The following PRPF8 variants were observed in gnomAD, a reference collection of about 807,000 sequenced individuals.
The protein encoded by PRPF8 is pre-mRNA processing factor 8, also known as pre-mRNA-processing-splicing factor 8.
Under a neutral mutation model 285.9 loss-of-function variants are expected in PRPF8, and 64 were observed. The ratio of observed to expected loss-of-function variants is 0.22; its 90% CI spans 0.18 to 0.28. The LOEUF (loss-of-function observed/expected upper bound fraction) is 0.28, where lower values mean the gene tolerates loss of function less well. PRPF8 is among the 10% of genes least tolerant of loss of function. The pLI is 1.00. For missense variants in PRPF8, 1,426 were observed against 3,026.7 expected, an observed-to-expected ratio of 0.47 and a Z score of 12.41; for synonymous variants, 1,325 against 1,118.2, an observed-to-expected ratio of 1.18 and a Z score of -3.69.
intron 2 of PRPF8, among the ~76,000 whole-genome samples, chr17:1,684,147 A>AC (rs1462563540): frequency 6.6e-6 from 1 of 152,056 alleles, no homozygotes; most frequent in East Asian, 1.9e-4. Flanking sequence ...TGGGCCTCCC[A>AC]AAGTGCTGGG....
chr17:1,677,102 C>G lies in PRPF8; in HGVS notation c.2055G>C (p.Leu685=), dbSNP rs376297942. 20 of 1,613,800 alleles carry G rather than the reference C, an allele frequency of 1.2e-5. No individual in the cohort carries two copies. Among genetic ancestry groups the G allele is most frequent in the African/African-American group, 5.3e-5 (4 of 74,822 alleles). ...GAATATCATGCATCACAGCTGCCCGCAGCTCAAGGTCAAAATGTGACTCCA... is the reference window on the plus strand; with the variant it reads ...GAATATCATGCATCACAGCTGCCCGGAGCTCAAGGTCAAAATGTGACTCCA... The part of the protein sequence containing the change: ...QRVESHFDLE[L]RAAVMHDILD... The change falls in exon 15 of 43, where the codon CTG becomes CTC. Residue 685 remains leucine (L), a synonymous_variant. Transcript: ENST00000304992.
chr17:1,679,585 C>T lies in PRPF8; in HGVS notation c.1289+24G>A. 6.2e-7 allele frequency: 1 copy of T among 1,612,462 alleles called. No homozygotes were observed. Among genetic ancestry groups the T allele is most frequent in the Non-Finnish European group, 8.5e-7 (1 of 1,179,774 alleles). ...TCTCCTACACATCCACTATCATTCC[C>T]CCTGCCACAGGGAAAAACCTTACCA... is the stretch of plus-strand genomic sequence containing the variant. On this transcript the variant is annotated intron_variant, in intron 9 of 42. Coordinates refer to ENST00000304992, the MANE Select transcript of PRPF8 (RefSeq NM_006445.4). This position sits in a 1 kb window ranked among gnomAD's most constrained non-coding sequence, Gnocchi z 4.7.
In PRPF8 at chr17:1,681,858, G is replaced by A; in HGVS notation, c.615C>T (p.Asp205=). The change falls in exon 5 of 43, where the codon GAC becomes GAT. Residue 205 remains aspartate, a synonymous_variant. Transcript: ENST00000304992. The stretch of plus-strand genomic sequence containing the variant: ...TCAACGGCTGGTGGTCATAGAACCA[G>A]TCCAACACAGGGGCGTCCTCCTCAG... The part of the protein sequence containing the change: ...LDPEEDAPVL[D]WFYDHQPLRD... 1.2e-6 allele frequency: 2 copies of A among 1,613,838 alleles called. No individual in the cohort carries two copies. The highest frequency in any genetic ancestry group is 2.2e-5 in the East Asian group (1 of 44,886).
chr17:1,660,089 G>C, intron 30 of PRPF8, 88 bp from the exon 31 acceptor site: 6 of 1,440,278 alleles, frequency 4.2e-6, no homozygotes, highest in Non-Finnish European at 5.8e-6. Context: ...GGCAATAGGA[G>C]TCTCATCCTC....
intron 24 of PRPF8, among the ~76,000 whole-genome samples, chr17:1,669,394 T>C (rs1283440000): frequency 3.3e-5 from 5 of 152,220 alleles, no homozygotes; most frequent in Admixed American, 6.5e-5. Context: ...CGTGAGCCAC[T>C]GTGTCCAGCC....
In PRPF8 at chr17:1,661,133, T is replaced by G. The variant is rs757767729; in HGVS notation, c.4368A>C (p.Thr1456=). The part of the protein sequence containing the change: ...QVLKQNPFWW[T]HQRHDGKLWN... ...AGAGCTTCCCATCATGCCGCTGGTG[T>G]GTCCACCAGAACGGATTCTGCTTCA... Residue 1456 remains threonine (T), a synonymous_variant, in exon 28 of 43, where the codon ACA becomes ACC. Coordinates refer to ENST00000304992, the MANE Select transcript of PRPF8 (RefSeq NM_006445.4). This position sits in a 1 kb window ranked among gnomAD's most constrained non-coding sequence, Gnocchi z 7.3. 1 of 1,614,202 alleles carries G rather than the reference T, an allele frequency of 6.2e-7. No homozygotes were observed.
At chr17:1,655,629 T>G (rs924012442) in intron 36 of PRPF8, 86 bp from the exon 37 acceptor site, 1 of 1,261,228 alleles carries the variant, frequency 7.9e-7, no homozygotes, top group Non-Finnish European at 1.1e-6. Flanking sequence ...ACCCAAGAAT[T>G]TTTTTTTTTT....
rs137934161 is a variant in PRPF8 at position 1,661,086 on chromosome 17, G to C, written c.4415C>G (p.Thr1472Arg). ...ACCGCCCAGGGCCTGGATCATGTCT[G>C]TACGGTAGTTGTTCAGGTTCCAGAG... is the stretch of plus-strand genomic sequence containing the variant. The part of the protein sequence containing the change: ...GKLWNLNNYR[T>R]DMIQALGGVE... The change falls in exon 28 of 43, where the codon ACA (threonine) becomes AGA (arginine). Residue 1472 changes from threonine to arginine, a missense_variant. This residue lies in a region of PRPF8 where 23 missense variants were observed against 43.6 expected (regional missense o/e 0.53). Transcript: ENST00000304992. The surrounding 1 kb of genome is among the most constrained non-coding windows in gnomAD (Gnocchi z 7.3). The C allele has an allele frequency of 1.2e-6, 2 of 1,614,090 alleles. No homozygotes were observed. The highest frequency in any genetic ancestry group is 1.7e-6 in the Non-Finnish European group (2 of 1,180,038).
intron 24 of PRPF8, among the ~76,000 whole-genome samples, chr17:1,669,263 C>T (rs1377233850): frequency 2.6e-5 from 4 of 152,272 alleles, no homozygotes; most frequent in South Asian, 2.1e-4. Flanking sequence ...CCCGCCACCG[C>T]GCCTGGCTAA....
intron 24 of PRPF8, among the ~76,000 whole-genome samples, chr17:1,663,606 G>A (rs944587381): frequency 6.6e-6 from 1 of 150,832 alleles, no homozygotes; most frequent in Non-Finnish European, 1.5e-5. Context: ...TTTCTTGGGA[G>A]GCTGAGGTAG....
In PRPF8 at chr17:1,654,302, A is replaced by G. The variant is rs1016461984; in HGVS notation, c.5988-286T>C. Reference sequence around the variant, plus strand: ...AATGCTCTGGCATGGAACTGTTCTCAGAAATGGAAACCCCAGAAACCCTAG... The same window carrying G: ...AATGCTCTGGCATGGAACTGTTCTCGGAAATGGAAACCCCAGAAACCCTAG... On this transcript the variant is annotated intron_variant, in intron 37 of 42. Coordinates refer to ENST00000304992, the MANE Select transcript of PRPF8 (RefSeq NM_006445.4). 3.5e-5 allele frequency: 20 copies of G among 570,434 alleles called. No homozygotes were observed. In the African/African-American group the frequency reaches 3.7e-4, roughly 11 times the overall value. The allele number at this position is 570,434 out of a possible 1,614,324, so 35.3% of individuals were successfully genotyped here.
Position 1,653,602 on chromosome 17 carries a change from G to A in PRPF8, c.6309C>T (p.Thr2103=), listed in dbSNP as rs1911196879. 1.2e-6 allele frequency: 2 copies of A among 1,614,092 alleles called. No individual in the cohort carries two copies. Among genetic ancestry groups the A allele is most frequent in the African/African-American group, 1.3e-5 (1 of 74,922 alleles). Reference sequence around the variant, plus strand: ...TAAGCACATTCTTGGGAAGGATGTAGGTGTAGCCAGTCTCCTTGATGTCGT... The same window carrying A: ...TAAGCACATTCTTGGGAAGGATGTAAGTGTAGCCAGTCTCCTTGATGTCGT... The part of the protein sequence containing the change: ...SSDDIKETGY[T]YILPKNVLKK... The change falls in exon 39 of 43, where the codon ACC becomes ACT. Residue 2103 remains threonine (T), a synonymous_variant. Coordinates refer to ENST00000304992, the MANE Select transcript of PRPF8 (RefSeq NM_006445.4). This position sits in a 1 kb window ranked among gnomAD's most constrained non-coding sequence, Gnocchi z 4.9.
At chr17:1,680,435 C>T (rs983336452) in intron 8 of PRPF8, 4 of 512,350 alleles carry the variant, frequency 7.8e-6, no homozygotes, top group African/African-American at 3.8e-5. Flanking sequence ...TTAACTACAT[C>T]TCAATATAAA....
chr17:1,681,951 C>T lies in PRPF8; in HGVS notation c.522G>A (p.Pro174=), dbSNP rs753379524. The change falls in exon 5 of 43, where the codon CCG becomes CCA. Residue 174 remains proline, a synonymous_variant. Coordinates refer to ENST00000304992, the MANE Select transcript of PRPF8 (RefSeq NM_006445.4). The part of the protein sequence containing the change: ...MRFPPFDDEE[P]PLDYADNILD... ...GGATGTTGTCAGCATAGTCCAAGGG[C>T]GGCTCCTCATCATCAAAAGGGGGAA... The T allele has an allele frequency of 1.2e-5, 19 of 1,613,880 alleles. No individual in the cohort carries two copies. The highest frequency in any genetic ancestry group is 5.3e-5 in the African/African-American group (4 of 74,836).
Position 1,675,453 on chromosome 17 carries a change from T to C in PRPF8, c.2873-114A>G. ...ATCCCACTATGATTCCACGTATTCA[T>C]TTGGATTGCTTTGACTATGGGCTTT... On this transcript the variant is annotated intron_variant, in intron 19 of 42. Transcript: ENST00000304992. This position sits in a 1 kb window ranked among gnomAD's most constrained non-coding sequence, Gnocchi z 6.0. The C allele has an allele frequency of 1.4e-6, 2 of 1,447,554 alleles. No homozygotes were observed. The highest frequency in any genetic ancestry group is 1.9e-6 in the Non-Finnish European group (2 of 1,033,274). 89.7% of individuals were successfully genotyped at this position (1,447,554 alleles called of 1,614,324 possible). A position where few individuals can be genotyped will look rare whatever the true frequency, so the allele number is the denominator to read the frequency against.
In PRPF8 at chr17:1,662,083, T is replaced by A. The variant is rs746002589; in HGVS notation, c.3845A>T (p.Gln1282Leu). Reference protein sequence around the residue: ...TYFREAVVNTQELLDLLVKCE... With the variant: ...TYFREAVVNTLELLDLLVKCE... ...CTTCACCAGTAAGTCCAAGAGCTCT[T>A]GGGTGTTCACCACAGCCTCCCGAAA... The change falls in exon 25 of 43, where the codon CAA (glutamine) becomes CTA (leucine). Residue 1282 changes from glutamine to leucine, a missense_variant. Gln to Leu is a moderately radical substitution (Grantham distance 113). Transcript: ENST00000304992. 1 of 1,614,158 alleles carries A rather than the reference T, an allele frequency of 6.2e-7. No homozygotes were observed. Among genetic ancestry groups the A allele is most frequent in the Non-Finnish European group, 8.5e-7 (1 of 1,180,024 alleles).
chr17:1,677,776 A>G, intron 13 of PRPF8, 82 bp from the exon 14 acceptor site: 5 of 1,542,044 alleles, frequency 3.2e-6, no homozygotes, highest in Non-Finnish European at 4.5e-6. Flanking sequence ...GGTGGGGCAT[A>G]TATGTATAAT....
In PRPF8 at chr17:1,659,763, T is replaced by C. The variant is rs1911584508; in HGVS notation, c.4946+78A>G. The C allele has an allele frequency of 1.9e-6, 3 of 1,551,792 alleles. No homozygotes were observed. Among genetic ancestry groups the C allele is most frequent in the Admixed American group, 3.5e-5 (2 of 57,288 alleles). ...TTTGAAACAAAGGCAGACAGGACAA[T>C]TCCTAAAGTTGCAGGGCTAGAAGAA... On this transcript the variant is annotated intron_variant, in intron 31 of 42. Coordinates refer to ENST00000304992, the MANE Select transcript of PRPF8 (RefSeq NM_006445.4). The surrounding 1 kb of genome is among the most constrained non-coding windows in gnomAD (Gnocchi z 5.1).
Position 1,679,870 on chromosome 17 carries a change from T to G in PRPF8, c.1099-71A>C. 1.3e-6 allele frequency: 2 copies of G among 1,561,844 alleles called. No individual in the cohort carries two copies. Among genetic ancestry groups the G allele is most frequent in the Non-Finnish European group, 1.8e-6 (2 of 1,132,410 alleles). ...CACAGACTTAAGATGAGGGAAATTC[T>G]CTGGGGCCAAGCACAAAGCCTGTAT... On this transcript the variant is annotated intron_variant, in intron 8 of 42. Transcript: ENST00000304992. The surrounding 1 kb of genome is among the most constrained non-coding windows in gnomAD (Gnocchi z 4.7).
Sources: allele counts gnomAD v4.1 joint callset (sites outside exome capture counted in the v4.1 genomes callset), GRCh38; gene constraint gnomAD v4.1.1; regional missense constraint gnomAD v4.1.1; non-coding constraint Gnocchi (gnomAD v3.1); transcripts MANE v1.5; gene names NCBI Gene and HGNC (gene_info 2026-07-23, HGNC 2026-07-21).